Variants in RHBDL3 observed in about 807,000 individuals in gnomAD.
RHBDL3 encodes the protein rhomboid like 3.
RHBDL3 carries 28 observed loss-of-function variants against 48.2 expected under a neutral mutation model. The observed-to-expected ratio is 0.58, with a 90% confidence interval of 0.43 to 0.80. The LOEUF (loss-of-function observed/expected upper bound fraction) is 0.80, where lower values mean the gene tolerates loss of function less well. Ranked by LOEUF, RHBDL3 falls within the 30% of genes least tolerant of loss-of-function variation. RHBDL3 has a pLI of 0.00. For synonymous variants in RHBDL3, 208 were observed against 232.3 expected (o/e 0.90, Z 0.95); for missense variants, 464 against 542.7 (o/e 0.85, Z 1.44).
intron 4 of RHBDL3, 65 bp downstream of exon 4, chr17:32,289,081 C>A: frequency 7.7e-7 from 1 of 1,296,844 alleles, no homozygotes; most frequent in Non-Finnish European, 1.1e-6. Context: ...GGAGAGGAGC[C>A]AAGAGGATGA....
At chr17:32,267,123 G>A (rs554723612) in intron 1 of RHBDL3, among the ~76,000 whole-genome samples, 25 of 152,300 alleles carry the variant, frequency 1.6e-4, no homozygotes, top group Middle Eastern at 3.4e-3. Flanking sequence ...CTCAGGGTGG[G>A]GAGATGGAAG....
intron 7 of RHBDL3, among the ~76,000 whole-genome samples, chr17:32,308,004 C>T (rs35447132): frequency 3.3e-5 from 5 of 152,142 alleles, no homozygotes; most frequent in African/African-American, 9.7e-5. Context: ...GCCCTGTTCC[C>T]ACCCTCTTCC....
chr17:32,294,011 C>G (rs990095937), intron 4 of RHBDL3, among the ~76,000 whole-genome samples: 3 of 152,010 alleles, frequency 2.0e-5, no homozygotes, highest in African/African-American at 7.3e-5. Context: ...GCCTGTAATC[C>G]CAGCTACTCA....
intron 8 of RHBDL3, among the ~76,000 whole-genome samples, chr17:32,317,132 C>G (rs1275477016): frequency 6.6e-6 from 1 of 152,178 alleles, no homozygotes; most frequent in Non-Finnish European, 1.5e-5. Context: ...CTTGGCCTCC[C>G]AAAGTGCTGG....
chr17:32,278,751 G>A (rs2039972991), intron 2 of RHBDL3, among the ~76,000 whole-genome samples: 1 of 152,090 alleles, frequency 6.6e-6, no homozygotes, highest in Non-Finnish European at 1.5e-5. Flanking sequence ...GTACCTCTTA[G>A]GGTTGCTGTG....
In RHBDL3 at chr17:32,321,320, G is replaced by A; in HGVS notation, c.*91G>A. On this transcript the variant is annotated 3_prime_UTR_variant, in exon 9 of 9. Coordinates refer to ENST00000269051, the MANE Select transcript of RHBDL3 (RefSeq NM_138328.3). ...TTCTTCTCATCACCAGCTCAGCTAG[G>A]CCGGGCAGACAAGGACAGAAGACTC... 1 of 1,584,598 alleles carries A rather than the reference G, an allele frequency of 6.3e-7. No homozygotes were observed. The highest frequency in any genetic ancestry group is 8.6e-7 in the Non-Finnish European group (1 of 1,168,918).
At chr17:32,318,563 C>T (rs2041031806) in intron 8 of RHBDL3, among the ~76,000 whole-genome samples, 1 of 151,832 alleles carries the variant, frequency 6.6e-6, no homozygotes, top group African/African-American at 2.4e-5. Flanking sequence ...TTATTATTAG[C>T]TTAATTTATA....
chr17:32,284,752 G>T lies in RHBDL3; in HGVS notation c.229G>T (p.Val77Phe), dbSNP rs764001352. 5.8e-5 allele frequency: 94 copies of T among 1,614,002 alleles called. No homozygotes were observed. Among genetic ancestry groups the T allele is most frequent in the Admixed American group, 1.5e-4 (9 of 60,012 alleles). The change falls in exon 3 of 9, where the codon GTC becomes TTC. Residue 77 changes from valine (V) to phenylalanine (F), a missense_variant. By Grantham distance (50) the Val-to-Phe change is conservative. Coordinates refer to ENST00000269051, the MANE Select transcript of RHBDL3 (RefSeq NM_138328.3). ...SSKLDPHKRE[V>F]LLALADSHAD... is the part of the protein sequence containing the mutation. ...CAAGCTGGACCCGCACAAAAGGGAG[G>T]TCCTCCTGGCTCTTGCCGACAGCCA... is the stretch of plus-strand genomic sequence containing the variant.
chr17:32,298,382 G>A (rs573070012), intron 6 of RHBDL3, among the ~76,000 whole-genome samples, 178 bp downstream of exon 6: 1 of 152,246 alleles, frequency 6.6e-6, no homozygotes, highest in African/African-American at 2.4e-5. Context: ...GCTGGAGAAC[G>A]GACTGCTGCC....
chr17:32,292,163 A>G (rs1269241659), intron 4 of RHBDL3, among the ~76,000 whole-genome samples: 1 of 152,244 alleles, frequency 6.6e-6, no homozygotes, highest in Admixed American at 6.5e-5. Flanking sequence ...CCAGAAAAAA[A>G]AAAGAGTTAA....
intron 1 of RHBDL3, 98 bp from the exon 2 acceptor site, chr17:32,267,804 A>G (rs569039432): frequency 1.9e-6 from 3 of 1,600,330 alleles, no homozygotes; most frequent in Admixed American, 3.4e-5. Context: ...CTGGGAGGCT[A>G]TGTCAGAAAC....
intron 2 of RHBDL3, among the ~76,000 whole-genome samples, chr17:32,281,456 A>G (rs1237999820): frequency 6.6e-6 from 1 of 152,056 alleles, no homozygotes; most frequent in Non-Finnish European, 1.5e-5. Flanking sequence ...GAGAGACTGC[A>G]CAAGCTGTGC....
intron 7 of RHBDL3, among the ~76,000 whole-genome samples, chr17:32,310,067 C>A (rs1031146462): frequency 1.3e-5 from 2 of 151,894 alleles, no homozygotes; most frequent in African/African-American, 4.8e-5. Context: ...TTATTTTAAA[C>A]ACTAGAAATA....
intron 8 of RHBDL3, among the ~76,000 whole-genome samples, chr17:32,319,812 T>C (rs939295758): frequency 2.6e-5 from 4 of 152,216 alleles, no homozygotes; most frequent in African/African-American, 9.6e-5. Context: ...CAAATTTGCC[T>C]TGGTTTTTCT....
chr17:32,307,636 A>T (rs969758889), intron 7 of RHBDL3, among the ~76,000 whole-genome samples: 13 of 152,148 alleles, frequency 8.5e-5, no homozygotes, highest in African/African-American at 3.1e-4. Flanking sequence ...GCTCAGAGAG[A>T]GGCTGCGGGT....
At chr17:32,313,961 G>C (rs894528033) in intron 7 of RHBDL3, among the ~76,000 whole-genome samples, 4 of 152,018 alleles carry the variant, frequency 2.6e-5, no homozygotes, top group African/African-American at 9.7e-5. Flanking sequence ...ATTTCACCAT[G>C]TTAGCCAGGA....
At chr17:32,301,192 T>G (rs905770577) in intron 6 of RHBDL3, among the ~76,000 whole-genome samples, 3 of 152,048 alleles carry the variant, frequency 2.0e-5, no homozygotes, top group Admixed American at 1.3e-4. Flanking sequence ...CCCCTGTGCT[T>G]CTTTCTAACC....
At chr17:32,267,858 T>TCTCTCCTCTTCTTC in intron 1 of RHBDL3, 44 bp from the exon 2 acceptor site, 1 of 1,613,760 alleles carries the variant, frequency 6.2e-7, no homozygotes, top group Non-Finnish European at 8.5e-7. Flanking sequence ...TGTCTTTCTT[T>TCTCTCCTCTTCTTC]CTCTCCTCTT....
In RHBDL3 at chr17:32,284,809, G is replaced by A. The variant is rs1474683491; in HGVS notation, c.286G>A (p.Val96Ile). 2.5e-6 allele frequency: 4 copies of A among 1,613,834 alleles called. No individual in the cohort carries two copies. Among genetic ancestry groups the A allele is most frequent in the East Asian group, 2.2e-5 (1 of 44,886 alleles). Residue 96 changes from valine to isoleucine, a missense_variant, in exon 3 of 9, where the codon GTC becomes ATC. By Grantham distance (29) the Val-to-Ile change is conservative (BLOSUM62 3). Coordinates refer to ENST00000269051, the MANE Select transcript of RHBDL3 (RefSeq NM_138328.3). ...ADGQIGYQDF[V>I]SLMSNKRSNS... ...TGGGCAGATCGGCTACCAGGATTTT[G>A]TCAGCCTAGTGAGTGCTCTGGGGCC...
Sources: allele counts gnomAD v4.1 joint callset (sites outside exome capture counted in the v4.1 genomes callset), GRCh38; gene constraint gnomAD v4.1.1; transcripts MANE v1.5; gene names NCBI Gene and HGNC (gene_info 2026-07-23, HGNC 2026-07-21).